The following PSMA1 variants were observed in gnomAD, a reference collection of about 807,000 sequenced individuals.
PSMA1 encodes proteasome subunit alpha type-1.
PSMA1 carries 3 observed loss-of-function variants against 38.4 expected under a neutral mutation model. The ratio of observed to expected loss-of-function variants is 0.08; its 90% confidence interval spans 0.04 to 0.20. The LOEUF (loss-of-function observed/expected upper bound fraction) is 0.20. Ranked by LOEUF, PSMA1 falls within the 10% of genes least tolerant of loss-of-function variation. PSMA1 has a pLI of 1.00. For missense variants in PSMA1, 227 were observed against 325.3 expected, an observed-to-expected ratio of 0.70 and a Z score of 2.32; for synonymous variants, 101 against 107.1, an observed-to-expected ratio of 0.94 and a Z score of 0.35.
intron 2 of PSMA1, among the ~76,000 whole-genome samples, chr11:14,575,408 C>G (rs1047141798): frequency 6.6e-6 from 1 of 151,972 alleles, no homozygotes; most frequent in Non-Finnish European, 1.5e-5. Context: ...ATCCCTCCCC[C>G]CTACCCCCAC....
At chr11:14,563,170 T>C (rs971257424) in intron 2 of PSMA1, among the ~76,000 whole-genome samples, 3 of 152,232 alleles carry the variant, frequency 2.0e-5, no homozygotes, top group Non-Finnish European at 4.4e-5. Context: ...TATTCCTGGC[T>C]ATTGATTGTA....
At chr11:14,515,900 T>G (rs1015538266) in intron 4 of PSMA1, among the ~76,000 whole-genome samples, 2 of 151,932 alleles carry the variant, frequency 1.3e-5, no homozygotes, top group African/African-American at 4.8e-5. Context: ...TTTTTGCTGC[T>G]GCTGTTGTTT....
At chr11:14,583,127 C>T (rs1199698789) in intron 2 of PSMA1, among the ~76,000 whole-genome samples, 1 of 152,214 alleles carries the variant, frequency 6.6e-6, no homozygotes, top group Non-Finnish European at 1.5e-5. Context: ...TGAACCTGTG[C>T]TGCTACAGCT....
At chr11:14,508,469 T>C (rs1178062400) in intron 8 of PSMA1, among the ~76,000 whole-genome samples, 2 of 146,970 alleles carry the variant, frequency 1.4e-5, no homozygotes, top group African/African-American at 2.5e-5. Flanking sequence ...CTTGGATTAC[T>C]CTCACAATCA....
At chr11:14,536,851 G>A (rs574384366) in intron 2 of PSMA1, among the ~76,000 whole-genome samples, 2 of 152,120 alleles carry the variant, frequency 1.3e-5, no homozygotes, top group Non-Finnish European at 2.9e-5. Context: ...TCCTGACCTC[G>A]TGATCCGCCC....
chr11:14,509,914 G>A (rs1158048066), intron 8 of PSMA1, among the ~76,000 whole-genome samples: 3 of 151,646 alleles, frequency 2.0e-5, no homozygotes, highest in East Asian at 1.9e-4. Flanking sequence ...TAGTAGAGAT[G>A]GGGTTTCACC....
chr11:14,583,147 G>A (rs1417705457), intron 2 of PSMA1, among the ~76,000 whole-genome samples: 2 of 152,162 alleles, frequency 1.3e-5, no homozygotes, highest in Non-Finnish European at 2.9e-5. Context: ...TCCTGGCCCT[G>A]TCCTAATTTC....
intron 2 of PSMA1, among the ~76,000 whole-genome samples, chr11:14,535,852 T>C (rs1416046133): frequency 6.6e-6 from 1 of 152,230 alleles, no homozygotes; most frequent in African/African-American, 2.4e-5. Context: ...GTTGTTTTTC[T>C]GTTCCATTCT....
intron 2 of PSMA1, among the ~76,000 whole-genome samples, chr11:14,535,585 A>T (rs1386090440): frequency 6.6e-6 from 1 of 151,778 alleles, no homozygotes; most frequent in East Asian, 1.9e-4. Flanking sequence ...CTGGGATTAC[A>T]AGCATGCGCC....
chr11:14,565,546 T>C lies in PSMA1; in HGVS notation c.21+45420A>G, dbSNP rs921962001. Among the ~76,000 whole-genome samples the C allele has an allele frequency of 1.3e-5, 2 of 152,212 alleles. 1 individual carries two copies. The highest frequency in any genetic ancestry group is 1.3e-4 in the Admixed American group (2 of 15,268). Reference sequence around the variant, plus strand: ...ATGAATTTCTCTGAGAGACATTTTATATTGCATAGAGAAAGCCTTAGTGTA... The same window carrying C: ...ATGAATTTCTCTGAGAGACATTTTACATTGCATAGAGAAAGCCTTAGTGTA... On this transcript the variant is annotated intron_variant, in intron 2 of 10. Coordinates refer to the PSMA1 transcript ENST00000418988.
rs146562785 is a variant in PSMA1 at position 14,602,296 on chromosome 11, G to A, written c.21+8670C>T. Among the ~76,000 whole-genome samples the A allele has an allele frequency of 8.8e-3, 1,344 of 152,236 alleles. 23 individuals carry two copies. Among genetic ancestry groups the A allele is most frequent in the African/African-American group, 0.031 (1,278 of 41,536 alleles). ...CATGAAAAGGCTGAGCTATCACCAA[G>A]CTTTTTGGGAGTAGCAAGGAAAACT... On this transcript the variant is annotated intron_variant, in intron 2 of 10. Transcript: ENST00000418988.
At chr11:14,569,340 C>G (rs183859275) in intron 2 of PSMA1, among the ~76,000 whole-genome samples, 12 of 152,204 alleles carry the variant, frequency 7.9e-5, no homozygotes, top group Middle Eastern at 6.8e-3. Flanking sequence ...AACTGAGGTA[C>G]CAGGTTCATC....
chr11:14,575,626 A>C (rs971915695), intron 2 of PSMA1, among the ~76,000 whole-genome samples: 5 of 152,180 alleles, frequency 3.3e-5, no homozygotes, highest in African/African-American at 1.2e-4. Flanking sequence ...TCCATGGTGT[A>C]TATGTGCCAC....
intron 2 of PSMA1, among the ~76,000 whole-genome samples, chr11:14,610,615 A>AT (rs372805718): frequency 6.6e-6 from 1 of 151,784 alleles, no homozygotes; most frequent in African/African-American, 2.4e-5. Context: ...TTTCAGTTAC[A>AT]TTTTTTTTCT....
At chr11:14,570,851 G>C (rs1017594299) in intron 2 of PSMA1, among the ~76,000 whole-genome samples, 3 of 152,042 alleles carry the variant, frequency 2.0e-5, no homozygotes, top group Non-Finnish European at 2.9e-5. Flanking sequence ...GAAATACAGA[G>C]ACCACCACAA....
intron 1 of PSMA1, among the ~76,000 whole-genome samples, chr11:14,635,757 A>G (rs1853106479): frequency 6.6e-6 from 1 of 152,226 alleles, no homozygotes; most frequent in African/African-American, 2.4e-5. Context: ...ATAAGGTTGT[A>G]TGACTCATTG....
rs566518401 is a variant in PSMA1 at position 14,626,584 on chromosome 11, A to G, written c.-165-15433T>C. 2.3e-4 allele frequency among the ~76,000 whole-genome samples: 35 copies of G among 152,318 alleles called. 1 individual carries two copies. Among genetic ancestry groups the G allele is most frequent in the African/African-American group, 9.6e-5 (4 of 41,574 alleles). The stretch of plus-strand genomic sequence containing the variant: ...GATGTCTGATGTAGAAAAAATCAGC[A>G]TAAGATTTGGAGTAAAGAGACCTGA... On this transcript the variant is annotated intron_variant, in intron 1 of 10. Transcript: ENST00000418988.
Position 14,513,590 on chromosome 11 carries a change from T to C in PSMA1, c.524A>G (p.His175Arg). ...SQSARTYLER[H>R]MSEFMECNLN... is the part of the protein sequence containing the mutation. ...CTTACACTCCATAAATTCAGACATA[T>C]GTCTCTCCAAGTAAGTACGAGCTGA... The change falls in exon 7 of 10, where the codon CAT becomes CGT. Residue 175 changes from histidine to arginine, a missense_variant. Physicochemically the swap from His to Arg is conservative, Grantham distance 29 (BLOSUM62 0). Transcript: ENST00000396394. 1 of 1,544,958 alleles carries C rather than the reference T, an allele frequency of 6.5e-7. No individual in the cohort carries two copies. The highest frequency in any genetic ancestry group is 2.3e-5 in the Admixed American group (1 of 43,950).
chr11:14,548,384 T>A (rs1455787280), intron 2 of PSMA1, among the ~76,000 whole-genome samples: 1 of 152,208 alleles, frequency 6.6e-6, no homozygotes, highest in Admixed American at 6.5e-5. Flanking sequence ...TCTTGGTATA[T>A]GTATGTGGTG....
Sources: allele counts gnomAD v4.1 joint callset (sites outside exome capture counted in the v4.1 genomes callset), GRCh38; gene constraint gnomAD v4.1.1; transcripts MANE v1.5; gene names NCBI Gene and HGNC (gene_info 2026-07-23, HGNC 2026-07-21).